Variants in SURF2 observed in about 807,000 individuals in gnomAD.
SURF2 encodes surfeit 2, also known as surfeit locus protein 2.
In SURF2, 32 loss-of-function variants were observed where a neutral mutation model predicts 26.2. The observed-to-expected ratio is 1.22, with a 90% CI of 0.92 to 1.64. The LOEUF is 1.64. Ranked by LOEUF, SURF2 falls within the 40% of genes most tolerant of loss-of-function variation. The pLI is 0.00. For synonymous variants in SURF2, 173 were observed against 139.1 expected, an observed-to-expected ratio of 1.24 and a Z score of -1.71; for missense variants, 415 against 341.6, an observed-to-expected ratio of 1.21 and a Z score of -1.69.
At chr9:133,357,341 T>TCGGTGG in intron 2 of SURF2, 1 of 520,208 alleles carries the variant, frequency 1.9e-6, no homozygotes, top group Non-Finnish European at 3.4e-6. Context: ...CGTTGGGTTC[T>TCGGTGG]TCCCTTAACC....
rs2130046601 is a variant in SURF2, at chr9:133,360,033, G to A, written c.421G>A (p.Gly141Ser). ...GAGGAGGAGGGAGGACCAGATGGAC[G>A]GTGACGGGCCTCGCCCGCGGGAAGC... is the stretch of plus-strand genomic sequence containing the variant. ...RRRRREDQMD[G>S]DGPRPREAFW... is the part of the protein sequence containing the mutation. The change falls in exon 4 of 6, where the codon GGT becomes AGT. Residue 141 changes from glycine (G) to serine (S), a missense_variant. By Grantham distance (56) the Gly-to-Ser change is moderately conservative. Transcript: ENST00000371964. 2.5e-5 allele frequency: 40 copies of A among 1,613,974 alleles called. No homozygotes were observed. The highest frequency in any genetic ancestry group is 4.5e-5 in the East Asian group (2 of 44,900).
chr9:133,357,078 C>T lies in SURF2; in HGVS notation c.233+10C>T. ...CCAGCACCAAGAACCCGTAGGTGGT[C>T]CGCGGCGGCGCGGGGAGGCCCAGGG... On this transcript the variant is annotated intron_variant, in intron 2 of 5. Coordinates refer to ENST00000371964, the MANE Select transcript of SURF2 (RefSeq NM_017503.5). The T allele has an allele frequency of 6.4e-7, 1 of 1,556,292 alleles. No homozygotes were observed. The highest frequency in any genetic ancestry group is 8.7e-7 in the Non-Finnish European group (1 of 1,150,190).
Position 133,360,413 on chromosome 9 carries a change from G to C in SURF2, c.666G>C (p.Gly222=). 2.5e-6 allele frequency: 4 copies of C among 1,611,334 alleles called. No individual in the cohort carries two copies. In the South Asian group the frequency reaches 4.4e-5, roughly 18 times the overall value. The change falls in exon 5 of 6, where the codon GGG becomes GGC. Residue 222 remains glycine (G), a synonymous_variant. Transcript: ENST00000371964. ...EGRRETTVYR[G]LVQKRGKKQL... ...GGAGAGAGACGACCGTGTACCGAGG[G>C]CTGGTCCAGAAGCGCGGGAAGGTGA...
At chr9:133,357,106 A>G in intron 2 of SURF2, 38 bp downstream of exon 2, 2 of 1,511,586 alleles carry the variant, frequency 1.3e-6, no homozygotes, top group Non-Finnish European at 1.8e-6. Context: ...GCCCAGGGCA[A>G]TTAGGACAGC....
chr9:133,357,631 G>A (rs1037337615), intron 2 of SURF2, 80 bp from the exon 3 acceptor site: 2 of 1,368,654 alleles, frequency 1.5e-6, no homozygotes, highest in African/African-American at 2.8e-5. Flanking sequence ...AGACTGTCCA[G>A]GGATGAGTCC....
chr9:133,358,515 C>G (rs1836671107), intron 3 of SURF2, among the ~76,000 whole-genome samples: 1 of 152,100 alleles, frequency 6.6e-6, no homozygotes, highest in African/African-American at 2.4e-5. Context: ...GACACCCGTG[C>G]TGGATGAAGG....
intron 5 of SURF2, 101 bp from the exon 6 acceptor site, chr9:133,360,955 A>C: frequency 1.6e-6 from 2 of 1,247,072 alleles, no homozygotes; most frequent in Non-Finnish European, 1.2e-6. Flanking sequence ...TATTTGACCG[A>C]CACCTCTGAG....
chr9:133,360,335 C>T lies in SURF2; in HGVS notation c.588C>T (p.Asp196=). 6.2e-7 allele frequency: 1 copy of T among 1,614,076 alleles called. No individual in the cohort carries two copies. The highest frequency in any genetic ancestry group is 8.5e-7 in the Non-Finnish European group (1 of 1,180,026). Residue 196 remains aspartate, a synonymous_variant, in exon 5 of 6, where the codon GAC becomes GAT. Transcript: ENST00000371964. ...ATGGCACTGATGACTTTTTGACAGA[C>T]AAAGAGGATGAGAAGGCAAAGCCCC... The part of the protein sequence containing the change: ...DGDGTDDFLT[D]KEDEKAKPPR...
rs145797920 is a variant in SURF2 at position 133,361,075 on chromosome 9, A to C, written c.707A>C (p.Lys236Thr). The C allele has an allele frequency of 1.0e-4, 166 of 1,614,170 alleles. No homozygotes were observed. In the African/African-American group the frequency reaches 2.1e-3, roughly 20 times the overall value. ...KRGKKQLGSL[K>T]KKFKSHHRKP... ...CCACAGAAGCAGTTGGGCTCGTTGA[A>C]AAAGAAGTTCAAGAGTCATCACCGC... is the stretch of plus-strand genomic sequence containing the variant. Residue 236 changes from lysine (K) to threonine (T), a missense_variant, in exon 6 of 6, where the codon AAA becomes ACA. Lys to Thr is a moderately conservative substitution (Grantham distance 78). Transcript: ENST00000371964.
At chr9:133,357,162 GT>G in intron 2 of SURF2, 94 bp downstream of exon 2, 1 of 1,387,262 alleles carries the variant, frequency 7.2e-7, no homozygotes, top group South Asian at 1.6e-5. Context: ...CTCTTTCAGA[GT>G]TGGGAGCCCT....
In SURF2 at chr9:133,357,855, G is replaced by A. The variant is rs2130037368; in HGVS notation, c.337+41G>A. 66 of 1,588,768 alleles carry A rather than the reference G, an allele frequency of 4.2e-5. 3 individuals carry two copies. The highest frequency in any genetic ancestry group is 4.1e-4 in the South Asian group (37 of 89,726). On this transcript the variant is annotated intron_variant, in intron 3 of 5. Coordinates refer to ENST00000371964, the MANE Select transcript of SURF2 (RefSeq NM_017503.5). ...CCCCCATCAGTGCATCGCCATCTGA[G>A]TGCATGCCCGCCTTGCCCCAGATGG...
At chr9:133,360,583 G>A in intron 5 of SURF2, 149 bp downstream of exon 5, 2 of 1,084,828 alleles carry the variant, frequency 1.8e-6, no homozygotes, top group Non-Finnish European at 2.5e-6. Flanking sequence ...GCCGCTGGCT[G>A]GCGGAAGGCC....
chr9:133,360,373 C>A lies in SURF2; in HGVS notation c.626C>A (p.Ala209Asp). The change falls in exon 5 of 6, where the codon GCC becomes GAC. Residue 209 changes from alanine to aspartate, a missense_variant. Transcript: ENST00000371964. ...DEKAKPPREK[A>D]TDEGRRETTV... ...AAGGCAAAGCCCCCAAGAGAGAAGG[C>A]CACTGATGAGGGCAGGAGAGAGACG... The A allele has an allele frequency of 6.2e-7, 1 of 1,613,870 alleles. No individual in the cohort carries two copies. Among genetic ancestry groups the A allele is most frequent in the South Asian group, 1.1e-5 (1 of 91,068 alleles).
intron 1 of SURF2, 80 bp downstream of exon 1, chr9:133,356,750 G>T: frequency 1.4e-6 from 2 of 1,398,940 alleles, no homozygotes; most frequent in Non-Finnish European, 1.9e-6. Flanking sequence ...CAGGGGAGAG[G>T]AGAGGGCAGG....
In SURF2 at chr9:133,361,076, AAAG is replaced by A. The variant is rs1490431678; in HGVS notation, c.712_714del (p.Lys238del). On this transcript the variant is annotated inframe_deletion, in exon 6 of 6. Coordinates refer to ENST00000371964, the MANE Select transcript of SURF2 (RefSeq NM_017503.5). ...CACAGAAGCAGTTGGGCTCGTTGAA[AAAG>A]AAGTTCAAGAGTCATCACCGCAAAC... 2.5e-6 allele frequency: 4 copies of A among 1,614,168 alleles called. No homozygotes were observed. The South Asian group carries it at 3.3e-5, about 13-fold the overall frequency.
chr9:133,357,697 T>C lies in SURF2; in HGVS notation c.234-14T>C. ...GTGAACTGTCCCTACAAATTTGGTCTCTCTGCTCTGTAGGCACCAGTTGTT... is the reference window on the plus strand; with the variant it reads ...GTGAACTGTCCCTACAAATTTGGTCCCTCTGCTCTGTAGGCACCAGTTGTT... On this transcript the variant is annotated splice_polypyrimidine_tract_variant and intron_variant, in intron 2 of 5. Transcript: ENST00000371964. 6.2e-7 allele frequency: 1 copy of C among 1,613,386 alleles called. No individual in the cohort carries two copies. Among genetic ancestry groups the C allele is most frequent in the Middle Eastern group, 1.6e-4 (1 of 6,062 alleles).
In SURF2 at chr9:133,356,572, T is replaced by A. The variant is rs2130028139; in HGVS notation, c.-21T>A. The A allele has an allele frequency of 4.0e-6, 6 of 1,515,148 alleles. No individual in the cohort carries two copies. Among genetic ancestry groups the A allele is most frequent in the Non-Finnish European group, 5.3e-6 (6 of 1,139,222 alleles). The allele number at this position is 1,515,148 out of a possible 1,614,324, so 93.9% of individuals were successfully genotyped here. A position where few individuals can be genotyped will look rare whatever the true frequency, so the allele number is the denominator to read the frequency against. On this transcript the variant is annotated 5_prime_UTR_variant, in exon 1 of 6. Transcript: ENST00000371964. ...GTTCTGCGAGCGGCTTCCGCCGGGC[T>A]GCTCCGCGGGCGCGTCGGCCATGAG...
intron 5 of SURF2, 103 bp from the exon 6 acceptor site, chr9:133,360,949 TGACC>T: frequency 8.5e-7 from 1 of 1,177,770 alleles, no homozygotes; most frequent in South Asian, 1.3e-5. Flanking sequence ...TGTGGGTATT[TGACC>T]GACACCTCTG....
intron 5 of SURF2, 79 bp from the exon 6 acceptor site, chr9:133,360,977 G>A: frequency 7.0e-7 from 1 of 1,437,732 alleles, no homozygotes; most frequent in Non-Finnish European, 9.8e-7. Context: ...CTGTGTGGGT[G>A]GGGAGAGCCC....
Sources: allele counts gnomAD v4.1 joint callset (sites outside exome capture counted in the v4.1 genomes callset), GRCh38; gene constraint gnomAD v4.1.1; transcripts MANE v1.5; gene names NCBI Gene and HGNC (gene_info 2026-07-23, HGNC 2026-07-21).